The following QTGAL variants were observed in gnomAD, a reference collection of about 807,000 sequenced individuals.
QTGAL encodes BGnT-like protein 1.
the QTGAL span, among the ~76,000 whole-genome samples, chr17:82,957,937 A>G: frequency 1.3e-5 from 2 of 152,072 alleles, no homozygotes; most frequent in Non-Finnish European, 2.9e-5. Flanking sequence ...CTCCCCTGGG[A>G]ACCTGGTCTC....
chr17:82,961,779 ACT>A, the QTGAL span, among the ~76,000 whole-genome samples: 1 of 152,026 alleles, frequency 6.6e-6, no homozygotes, highest in Non-Finnish European at 1.5e-5. Context: ...TGTCAGTGGG[ACT>A]CTGCTCCAGA....
the QTGAL span, among the ~76,000 whole-genome samples, chr17:83,010,636 T>G: frequency 6.6e-6 from 1 of 152,158 alleles, no homozygotes. Flanking sequence ...GGCTGCAGAG[T>G]GCACCGCGGA....
the QTGAL span, chr17:82,948,579 G>C: frequency 6.6e-6 from 1 of 152,242 alleles, no homozygotes; most frequent in Non-Finnish European, 1.5e-5. Context: ...AACCAGATGC[G>C]AGAACACAGA....
At chr17:83,026,774 G>A in the QTGAL span, among the ~76,000 whole-genome samples, 217 of 13,314 alleles carry the variant, frequency 0.016, no homozygotes, top group African/African-American at 0.023. Context: ...AGAGGAGGGC[G>A]GGGAGCCTGC....
the QTGAL span, among the ~76,000 whole-genome samples, chr17:82,977,845 T>C: frequency 2.0e-5 from 3 of 152,170 alleles, no homozygotes; most frequent in Non-Finnish European, 2.9e-5. Context: ...CACACGAGCA[T>C]GGAAACGTAC....
the QTGAL span, among the ~76,000 whole-genome samples, chr17:82,977,491 A>C: frequency 8.0e-5 from 12 of 149,316 alleles, no homozygotes; most frequent in Non-Finnish European, 1.6e-4. Flanking sequence ...CATTTTCAAC[A>C]AAAAAAAACT....
At chr17:83,014,336 G>T in the QTGAL span, 1 of 1,128,914 alleles carries the variant, frequency 8.9e-7, no homozygotes, top group South Asian at 1.5e-5. Flanking sequence ...CCCTCTCCGT[G>T]ACTTGACAGT....
the QTGAL span, among the ~76,000 whole-genome samples, chr17:83,031,885 G>A: frequency 4.6e-5 from 7 of 152,216 alleles, no homozygotes; most frequent in Admixed American, 1.3e-4. Flanking sequence ...CTGGTCAGCT[G>A]GGCAAAACCC....
At chr17:82,955,769 C>T in the QTGAL span, among the ~76,000 whole-genome samples, 8 of 152,072 alleles carry the variant, frequency 5.3e-5, no homozygotes, top group African/African-American at 1.7e-4. Flanking sequence ...CAATGATACA[C>T]GGGATAAAGA....
At chr17:83,049,783 T>A in the QTGAL span, among the ~76,000 whole-genome samples, 1 of 152,196 alleles carries the variant, frequency 6.6e-6, no homozygotes, top group Non-Finnish European at 1.5e-5. Flanking sequence ...GTAGCTAGTG[T>A]CCTTTTCTCA....
the QTGAL span, among the ~76,000 whole-genome samples, chr17:82,997,423 T>C: frequency 6.6e-6 from 1 of 152,232 alleles, no homozygotes; most frequent in African/African-American, 2.4e-5. Flanking sequence ...GGAACCCCTG[T>C]ACAATGTCGG....
chr17:83,028,386 A>C, the QTGAL span, among the ~76,000 whole-genome samples: 4 of 149,634 alleles, frequency 2.7e-5, no homozygotes, highest in South Asian at 2.1e-4. Context: ...TAGCCGGGCG[A>C]GGTGGCGGGC....
At chr17:82,968,272 C>G in the QTGAL span, among the ~76,000 whole-genome samples, 2 of 152,190 alleles carry the variant, frequency 1.3e-5, no homozygotes, top group African/African-American at 4.8e-5. Context: ...CCCAAATGTC[C>G]GTCAACAGTG....
chr17:83,025,175 A>T, the QTGAL span, among the ~76,000 whole-genome samples: 1 of 99,592 alleles, frequency 1.0e-5, no homozygotes, highest in Non-Finnish European at 2.6e-5. Context: ...CGGAGTCCAC[A>T]CACGGACACC....
chr17:83,047,482 T>A, the QTGAL span, among the ~76,000 whole-genome samples: 140 of 143,562 alleles, frequency 9.8e-4, 8 homozygotes, highest in East Asian at 8.2e-3. Flanking sequence ...AGGTCTATAA[T>A]AAATCCCTAC....
At chr17:82,951,880 T>TA in the QTGAL span, among the ~76,000 whole-genome samples, 1 of 151,688 alleles carries the variant, frequency 6.6e-6, no homozygotes, top group East Asian at 1.9e-4. Flanking sequence ...CTGATTCATA[T>TA]GGGCGCCCCG....
At chr17:82,950,418 C>T in the QTGAL span, among the ~76,000 whole-genome samples, 16 of 152,070 alleles carry the variant, frequency 1.1e-4, no homozygotes, top group Admixed American at 3.3e-4. Flanking sequence ...GCGGCACTGA[C>T]GGGGTTGGAG....
At chr17:82,955,679 T>C in the QTGAL span, among the ~76,000 whole-genome samples, 1 of 152,196 alleles carries the variant, frequency 6.6e-6, no homozygotes, top group East Asian at 1.9e-4. Flanking sequence ...AATCATTCTA[T>C]TATAAAGATA....
At chr17:83,047,545 T>C in the QTGAL span, among the ~76,000 whole-genome samples, 368 of 79,970 alleles carry the variant, frequency 4.6e-3, no homozygotes, top group East Asian at 0.014. Flanking sequence ...GAATAAGAAA[T>C]TTAGGTCTAT....
Sources: gnomAD v4.1 joint callset for allele counts (sites outside exome capture counted in the v4.1 genomes callset) on GRCh38, gnomAD v4.1.1 for gene constraint, MANE v1.5 for transcripts, NCBI Gene and HGNC (gene_info 2026-07-23, HGNC 2026-07-21) for gene names.